Variants in SLC24A2 observed in about 807,000 individuals in gnomAD.
The protein encoded by SLC24A2 is solute carrier family 24 member 2.
Under a neutral mutation model 62.0 loss-of-function variants are expected in SLC24A2, and 36 were observed. The ratio of observed to expected loss-of-function variants is 0.58; its 90% CI spans 0.44 to 0.77. The LOEUF is 0.77. Ranked by LOEUF, SLC24A2 falls within the 30% of genes least tolerant of loss-of-function variation. The probability of loss-of-function intolerance (pLI) is 0.00; values close to 1 mark genes in which losing one functional copy is unlikely to be tolerated. For synonymous variants in SLC24A2, 358 were observed against 294.0 expected (o/e 1.22, Z -2.23); for missense variants, 846 against 817.9 (o/e 1.03, Z -0.42).
At chr9:19,894,509 G>GA in the SLC24A2 span, among the ~76,000 whole-genome samples, 2 of 151,022 alleles carry the variant, frequency 1.3e-5, no homozygotes, top group Non-Finnish European at 3.0e-5. Flanking sequence ...GGCCAATTTT[G>GA]TTTTTTTTTA....
At chr9:20,185,470 C>G in the SLC24A2 span, among the ~76,000 whole-genome samples, 2 of 151,934 alleles carry the variant, frequency 1.3e-5, no homozygotes, top group African/African-American at 4.8e-5. Flanking sequence ...TCTAGACCAT[C>G]CTGGCTAACA....
chr9:19,643,853 T>G (rs961680074), intron 2 of SLC24A2, among the ~76,000 whole-genome samples: 6 of 152,262 alleles, frequency 3.9e-5, no homozygotes, highest in Non-Finnish European at 5.9e-5. Context: ...CATCATGTGA[T>G]GTGTTTAATC....
chr9:20,304,384 T>G, the SLC24A2 span, among the ~76,000 whole-genome samples: 5 of 152,138 alleles, frequency 3.3e-5, no homozygotes, highest in Non-Finnish European at 7.3e-5. Flanking sequence ...AAGAAGATAT[T>G]TAGAAAGAGT....
the SLC24A2 span, among the ~76,000 whole-genome samples, chr9:20,163,577 A>G: frequency 6.6e-6 from 1 of 152,196 alleles, no homozygotes; most frequent in Admixed American, 6.5e-5. Flanking sequence ...TACAGATTCA[A>G]TGCCATCCCC....
At chr9:19,941,651 A>G in the SLC24A2 span, among the ~76,000 whole-genome samples, 1 of 151,834 alleles carries the variant, frequency 6.6e-6, no homozygotes, top group Admixed American at 6.6e-5. Context: ...TACCTCTTCT[A>G]AACACATGTG....
the SLC24A2 span, among the ~76,000 whole-genome samples, chr9:19,851,886 A>T: frequency 1.3e-5 from 2 of 152,030 alleles, no homozygotes; most frequent in African/African-American, 4.8e-5. Flanking sequence ...TCTGGTTCTA[A>T]ATCTTTGAGG....
At chr9:20,077,990 G>C in the SLC24A2 span, among the ~76,000 whole-genome samples, 4 of 143,316 alleles carry the variant, frequency 2.8e-5, no homozygotes, top group African/African-American at 9.8e-5. Context: ...TGTAGGGAAT[G>C]TGCAGATGCT....
intron 8 of SLC24A2, among the ~76,000 whole-genome samples, chr9:19,548,807 G>A (rs1422525442): frequency 1.3e-5 from 2 of 152,188 alleles, no homozygotes; most frequent in East Asian, 1.9e-4. Flanking sequence ...CATTGCTCCC[G>A]CCAAGGGCCA....
chr9:20,245,397 A>C, the SLC24A2 span, among the ~76,000 whole-genome samples: 1 of 152,248 alleles, frequency 6.6e-6, no homozygotes, highest in Non-Finnish European at 1.5e-5. Flanking sequence ...AGAGGCAAGA[A>C]AGCCAAAGAG....
At chr9:20,228,580 G>T in the SLC24A2 span, among the ~76,000 whole-genome samples, 3 of 152,094 alleles carry the variant, frequency 2.0e-5, no homozygotes, top group African/African-American at 7.2e-5. Flanking sequence ...TGGGTGCATT[G>T]GAGTGAGTTT....
At chr9:19,626,085 C>A (rs368904813) in intron 2 of SLC24A2, among the ~76,000 whole-genome samples, 1 of 152,100 alleles carries the variant, frequency 6.6e-6, no homozygotes, top group African/African-American at 2.4e-5. Context: ...ATGCATAGCC[C>A]ATTTGGATAG....
At chr9:19,541,555 C>G (rs1431338096) in intron 8 of SLC24A2, among the ~76,000 whole-genome samples, 1 of 147,882 alleles carries the variant, frequency 6.8e-6, no homozygotes, top group Non-Finnish European at 1.5e-5. Context: ...AGGAGGCAGT[C>G]TGCCCGTTCT....
the SLC24A2 span, among the ~76,000 whole-genome samples, chr9:19,900,692 T>C: frequency 3.9e-5 from 6 of 152,230 alleles, no homozygotes. Context: ...ACCTAAGAAA[T>C]GCAAGCAATT....
At chr9:20,024,654 G>A in the SLC24A2 span, among the ~76,000 whole-genome samples, 21 of 152,182 alleles carry the variant, frequency 1.4e-4, no homozygotes, top group African/African-American at 4.6e-4. Context: ...TTTAGAAAGA[G>A]TATGAAAATA....
chr9:19,612,489 T>C (rs539707917), intron 4 of SLC24A2, among the ~76,000 whole-genome samples: 1 of 152,266 alleles, frequency 6.6e-6, no homozygotes, highest in African/African-American at 2.4e-5. Context: ...GTATATTAGC[T>C]CGCATACTAT....
intron 4 of SLC24A2, among the ~76,000 whole-genome samples, chr9:19,616,841 G>A (rs1400812068): frequency 6.6e-6 from 1 of 152,126 alleles, no homozygotes; most frequent in Non-Finnish European, 1.5e-5. Flanking sequence ...TGAATGGTCA[G>A]GAAGTATTTA....
intron 2 of SLC24A2, among the ~76,000 whole-genome samples, chr9:19,725,532 A>T (rs997278408): frequency 1.3e-5 from 2 of 152,180 alleles, no homozygotes; most frequent in African/African-American, 4.8e-5. Context: ...TCTTCATAAT[A>T]AGCTATTTTC....
the SLC24A2 span, among the ~76,000 whole-genome samples, chr9:20,212,668 A>G: frequency 6.6e-6 from 1 of 151,276 alleles, no homozygotes; most frequent in Admixed American, 6.6e-5. Context: ...GAGCTGAAAG[A>G]TAACAATAAG....
chr9:20,269,680 G>C, the SLC24A2 span, among the ~76,000 whole-genome samples: 4 of 152,216 alleles, frequency 2.6e-5, no homozygotes, highest in Admixed American at 2.0e-4. Context: ...CCCTCACCAA[G>C]ATTTTTTTTC....
Sources: allele counts gnomAD v4.1 joint callset (sites outside exome capture counted in the v4.1 genomes callset), GRCh38; gene constraint gnomAD v4.1.1; transcripts MANE v1.5; gene names NCBI Gene and HGNC (gene_info 2026-07-23, HGNC 2026-07-21).